TRAF2: variants seen among roughly 807,000 people sequenced by gnomAD.
TRAF2 encodes the protein TNF receptor-associated factor 2.
In TRAF2, 6 loss-of-function variants were observed where a neutral mutation model predicts 55.6. The ratio of observed to expected loss-of-function variants is 0.11; its 90% confidence interval spans 0.06 to 0.21. TRAF2 has a LOEUF of 0.21. Among genes scored for constraint, TRAF2 ranks in the 10% least tolerant of loss-of-function variants. The probability of loss-of-function intolerance (pLI) is 1.00; values close to 1 mark genes in which losing one functional copy is unlikely to be tolerated. For missense variants in TRAF2, 561 were observed against 684.5 expected (o/e 0.82, Z 2.01); for synonymous variants, 329 against 276.3 (o/e 1.19, Z -1.89).
At chr9:136,921,800 C>CT (rs1036606623) in intron 9 of TRAF2, among the ~76,000 whole-genome samples, 1 of 152,116 alleles carries the variant, frequency 6.6e-6, no homozygotes, top group Non-Finnish European at 1.5e-5. Context: ...GGCTGCCCAG[C>CT]TGCAGGCTCC....
At chr9:136,925,184 G>T (rs1056521023) in intron 10 of TRAF2, among the ~76,000 whole-genome samples, 1 of 152,228 alleles carries the variant, frequency 6.6e-6, no homozygotes. Context: ...GCAGAGCAGA[G>T]TTGGGTGGGG....
intron 5 of TRAF2, among the ~76,000 whole-genome samples, chr9:136,908,871 GAAAAAA>G (rs11418746): frequency 1.2e-5 from 1 of 84,462 alleles, no homozygotes; most frequent in Non-Finnish European, 2.1e-5. Flanking sequence ...TTCCGTCTCG[GAAAAAA>G]AAAAAAAAAA....
chr9:136,898,670 T>C, intron 1 of TRAF2, 43 bp from the exon 2 acceptor site: 2 of 1,602,604 alleles, frequency 1.2e-6, no homozygotes, highest in Non-Finnish European at 1.7e-6. Context: ...TCTCGAGGAC[T>C]GTTCTGGAAT....
At chr9:136,893,830 A>G (rs933093816) in intron 1 of TRAF2, among the ~76,000 whole-genome samples, 1 of 151,612 alleles carries the variant, frequency 6.6e-6, no homozygotes, top group South Asian at 2.1e-4. Flanking sequence ...GCTCACTGCA[A>G]CCTCTCCTTC....
Position 136,926,128 on chromosome 9 carries a change from A to G in TRAF2, c.*227A>G, listed in dbSNP as rs779001915. ...GGGGCTTGGCAGACGGTCTTAGCCAAGGGCTGTGGTGGCATTGGCCGAGGG... is the reference window on the plus strand; with the variant it reads ...GGGGCTTGGCAGACGGTCTTAGCCAGGGGCTGTGGTGGCATTGGCCGAGGG... On this transcript the variant is annotated 3_prime_UTR_variant, in exon 11 of 11. Transcript: ENST00000247668. 2.2e-4 allele frequency: 158 copies of G among 731,056 alleles called. 1 individual carries two copies. Among genetic ancestry groups the G allele is most frequent in the Admixed American group, 1.7e-3 (90 of 54,300 alleles). 45.3% of individuals were successfully genotyped at this position (731,056 alleles called of 1,614,324 possible).
At chr9:136,919,090 C>G (rs148279418) in intron 7 of TRAF2, among the ~76,000 whole-genome samples, 1 of 43,030 alleles carries the variant, frequency 2.3e-5, no homozygotes, top group Non-Finnish European at 5.1e-5. Context: ...AACAGAGTCT[C>G]GCTCTGTTGG....
chr9:136,914,263 C>T (rs970948524), intron 6 of TRAF2, among the ~76,000 whole-genome samples: 1 of 152,206 alleles, frequency 6.6e-6, no homozygotes, highest in Non-Finnish European at 1.5e-5. Flanking sequence ...GGACTTGTCT[C>T]CTCGCTTCCA....
chr9:136,901,773 C>T (rs531380781), intron 4 of TRAF2, among the ~76,000 whole-genome samples: 5 of 152,128 alleles, frequency 3.3e-5, no homozygotes, highest in Non-Finnish European at 7.4e-5. Flanking sequence ...CTCAGCCGGA[C>T]CCTGGGGTGT....
intron 7 of TRAF2, among the ~76,000 whole-genome samples, chr9:136,919,219 C>A (rs1310331587): frequency 2.0e-5 from 3 of 151,516 alleles, no homozygotes; most frequent in African/African-American, 7.3e-5. Flanking sequence ...TGCCACCATG[C>A]CCAGCTAATT....
intron 1 of TRAF2, among the ~76,000 whole-genome samples, chr9:136,895,391 T>A (rs1348924242): frequency 1.3e-5 from 2 of 152,112 alleles, no homozygotes; most frequent in African/African-American, 4.8e-5. Flanking sequence ...GCAGAGCAGG[T>A]GTGCAGTGTT....
In TRAF2 at chr9:136,923,825, C is replaced by T. The variant is rs374469805; in HGVS notation, c.1139-27C>T. The stretch of plus-strand genomic sequence containing the variant: ...GCCCCGCCCTTGCTGAGTGTCAGCT[C>T]ACCAGGCACCCCTCCTGCCTCCCCA... On this transcript the variant is annotated intron_variant, in intron 9 of 10. Transcript: ENST00000247668. 2.7e-5 allele frequency: 43 copies of T among 1,609,870 alleles called. No individual in the cohort carries two copies. The African/African-American group carries it at 4.8e-4, about 18-fold the overall frequency.
intron 9 of TRAF2, among the ~76,000 whole-genome samples, chr9:136,922,079 C>T (rs575154547): frequency 1.3e-5 from 2 of 152,346 alleles, no homozygotes; most frequent in East Asian, 1.9e-4. Flanking sequence ...TAGCCTGGCA[C>T]TGCTCGTGAA....
intron 1 of TRAF2, among the ~76,000 whole-genome samples, chr9:136,890,180 G>A (rs971704605): frequency 2.8e-5 from 4 of 142,548 alleles, no homozygotes; most frequent in Admixed American, 2.8e-4. Context: ...CCGCACGCTC[G>A]TTCAGTCGGT....
intron 4 of TRAF2, among the ~76,000 whole-genome samples, chr9:136,907,471 C>T (rs372107878): frequency 1.1e-4 from 17 of 152,350 alleles, no homozygotes; most frequent in East Asian, 3.9e-4. Flanking sequence ...CTTTCAGATG[C>T]GTGTGCTGTG....
intron 4 of TRAF2, among the ~76,000 whole-genome samples, chr9:136,900,945 G>T (rs931547136): frequency 6.6e-6 from 1 of 152,092 alleles, no homozygotes; most frequent in Admixed American, 6.5e-5. Flanking sequence ...TTTCAAGTTT[G>T]GTGGGGGTTT....
At chr9:136,901,191 A>C (rs1849812289) in intron 4 of TRAF2, among the ~76,000 whole-genome samples, 1 of 152,186 alleles carries the variant, frequency 6.6e-6, no homozygotes, top group Admixed American at 6.5e-5. Context: ...CTTCACCTGT[A>C]GTGTAGAGGC....
intron 6 of TRAF2, 48 bp downstream of exon 6, chr9:136,910,042 G>T: frequency 6.3e-7 from 1 of 1,581,276 alleles, no homozygotes; most frequent in Non-Finnish European, 8.6e-7. Flanking sequence ...GGGCCCATGT[G>T]TTGGACGTGA....
At chr9:136,895,278 C>T (rs1308275882) in intron 1 of TRAF2, among the ~76,000 whole-genome samples, 2 of 152,218 alleles carry the variant, frequency 1.3e-5, no homozygotes, top group Non-Finnish European at 2.9e-5. Context: ...CACAGCCTTC[C>T]TGCTGCGGTT....
At chr9:136,886,753 C>T (rs895661072) in intron 1 of TRAF2, 11 of 267,780 alleles carry the variant, frequency 4.1e-5, no homozygotes, top group Middle Eastern at 1.6e-3. Flanking sequence ...CCGAGCGTGG[C>T]TGGCGCGGGA....
Sources: gnomAD v4.1 joint callset for allele counts (sites outside exome capture counted in the v4.1 genomes callset) on GRCh38, gnomAD v4.1.1 for gene constraint, MANE v1.5 for transcripts, NCBI Gene and HGNC (gene_info 2026-07-23, HGNC 2026-07-21) for gene names.